The following UGT1A5 variants were observed in gnomAD, a reference collection of about 807,000 sequenced individuals.
The protein encoded by UGT1A5 is UDP-glucuronosyltransferase 1A5.
A neutral mutation model predicts 40.3 loss-of-function variants in UGT1A5; 29 were observed. That is an observed-to-expected ratio of 0.72 (90% CI 0.54 to 0.98). UGT1A5 has a LOEUF of 0.98. Ranked by LOEUF, UGT1A5 falls within the 50% of genes least tolerant of loss-of-function variation. The probability of loss-of-function intolerance (pLI) is 0.00; values close to 1 mark genes in which losing one functional copy is unlikely to be tolerated. For missense variants in UGT1A5, 678 were observed against 677.9 expected, an observed-to-expected ratio of 1.00 and a Z score of 0.00; for synonymous variants, 257 against 262.5, an observed-to-expected ratio of 0.98 and a Z score of 0.20.
At chr2:233,744,212 GTTGGGGAAAAGAGA>G (rs1383890849) in intron 1 of UGT1A5, among the ~76,000 whole-genome samples, 2 of 151,858 alleles carry the variant, frequency 1.3e-5, no homozygotes, top group Non-Finnish European at 2.9e-5. Flanking sequence ...GGAAAAAGAG[GTTGGGGAAAAGAGA>G]GGGCCTTGAC....
chr2:233,772,311 G>T lies in UGT1A5; in HGVS notation c.1357G>T (p.Val453Leu), dbSNP rs587784536. 12 of 1,614,228 alleles carry T rather than the reference G, an allele frequency of 7.4e-6. No homozygotes were observed. In the Admixed American group the frequency reaches 1.5e-4, roughly 20 times the overall value. Residue 453 changes from valine (V) to leucine (L), a missense_variant, in exon 5 of 5, where the codon GTG becomes TTG. Transcript: ENST00000373414. ...RLSSLHKDRP[V>L]EPLDLAVFWV... ...CTCCAGCCTTCACAAGGACCGCCCG[G>T]TGGAGCCGCTGGACCTGGCCGTGTT...
At chr2:233,760,942 C>G (rs1253140529) in intron 1 of UGT1A5, 13 of 1,614,092 alleles carry the variant, frequency 8.1e-6, no homozygotes, top group Non-Finnish European at 1.1e-5. Flanking sequence ...TGCCTTTTCA[C>G]AGAACTTTCT....
intron 1 of UGT1A5, chr2:233,753,788 C>T (rs970692260): frequency 7.9e-5 from 12 of 152,166 alleles, no homozygotes; most frequent in Non-Finnish European, 1.8e-4. Context: ...CTTTACATTT[C>T]CAGGACCTAC....
intron 1 of UGT1A5, among the ~76,000 whole-genome samples, chr2:233,715,022 G>A (rs1438116974): frequency 2.0e-5 from 3 of 152,060 alleles, no homozygotes; most frequent in Admixed American, 1.3e-4. Flanking sequence ...AACTACAGGC[G>A]CATGGCACCA....
At chr2:233,750,355 T>C (rs1376976328) in intron 1 of UGT1A5, among the ~76,000 whole-genome samples, 7 of 151,880 alleles carry the variant, frequency 4.6e-5, no homozygotes, top group African/African-American at 1.5e-4. Context: ...TTGGAACTTA[T>C]GTTTAAAAGG....
intron 1 of UGT1A5, among the ~76,000 whole-genome samples, chr2:233,745,434 A>C (rs1034656561): frequency 2.6e-5 from 4 of 151,684 alleles, no homozygotes; most frequent in Non-Finnish European, 4.4e-5. Context: ...TTGTGAGGCA[A>C]TACACTAGTA....
In UGT1A5 at chr2:233,712,961, G is replaced by A; in HGVS notation, c.-31G>A. The A allele has an allele frequency of 6.2e-7, 1 of 1,612,910 alleles. No individual in the cohort carries two copies. Among genetic ancestry groups the A allele is most frequent in the Non-Finnish European group, 8.5e-7 (1 of 1,180,042 alleles). On this transcript the variant is annotated 5_prime_UTR_variant, in exon 1 of 5. Coordinates refer to ENST00000373414, the MANE Select transcript of UGT1A5 (RefSeq NM_019078.2). ...AATTCTAGGAGGCACAACGTGGGGTGGACAGTCAGCTGTCGGTGGCTTCTG... is the reference window on the plus strand; with the variant it reads ...AATTCTAGGAGGCACAACGTGGGGTAGACAGTCAGCTGTCGGTGGCTTCTG...
At position 233,772,285 on chromosome 2, in the gene UGT1A5, T is replaced by C. The variant is rs758411577; in HGVS notation, c.1331T>C (p.Leu444Pro). The change falls in exon 5 of 5, where the codon CTC becomes CCC. Residue 444 changes from leucine to proline, a missense_variant. Leu to Pro is a moderately conservative substitution (Grantham distance 98). Coordinates refer to ENST00000373414, the MANE Select transcript of UGT1A5 (RefSeq NM_019078.2). ...DKSYKENIMRLSSLHKDRPVE... is the reference protein window; with the variant it reads ...DKSYKENIMRPSSLHKDRPVE... ...AGTTACAAGGAGAACATCATGCGCC[T>C]CTCCAGCCTTCACAAGGACCGCCCG... 3.1e-6 allele frequency: 5 copies of C among 1,614,220 alleles called. No individual in the cohort carries two copies. The highest frequency in any genetic ancestry group is 3.4e-6 in the Non-Finnish European group (4 of 1,180,040).
intron 1 of UGT1A5, chr2:233,760,660 T>C: frequency 6.2e-7 from 1 of 1,614,244 alleles, no homozygotes; most frequent in Non-Finnish European, 8.5e-7. Flanking sequence ...TATGCTTTTG[T>C]CTGGCTGTTC....
At chr2:233,718,824 G>A in intron 1 of UGT1A5, 1 of 1,613,508 alleles carries the variant, frequency 6.2e-7, no homozygotes, top group Non-Finnish European at 8.5e-7. Flanking sequence ...TGCTGAGATG[G>A]CCAGAGGACT....
chr2:233,751,391 A>G (rs1477667065), intron 1 of UGT1A5, among the ~76,000 whole-genome samples: 1 of 152,112 alleles, frequency 6.6e-6, no homozygotes, highest in African/African-American at 2.4e-5. Flanking sequence ...TGTCTCAGAT[A>G]AGACTTTGGA....
intron 1 of UGT1A5, chr2:233,760,820 G>A (rs1177412651): frequency 6.2e-7 from 1 of 1,613,432 alleles, no homozygotes; most frequent in Non-Finnish European, 8.5e-7. Context: ...CTGCCATGCA[G>A]CCTGGAATTT....
chr2:233,729,673 A>G (rs1282991761), intron 1 of UGT1A5: 1 of 1,613,898 alleles, frequency 6.2e-7, no homozygotes, highest in South Asian at 1.1e-5. Flanking sequence ...TTTAGACTTT[A>G]AGGGCACACA....
chr2:233,748,156 T>G, intron 1 of UGT1A5: 1 of 1,601,882 alleles, frequency 6.2e-7, no homozygotes, highest in Non-Finnish European at 8.5e-7. Flanking sequence ...TACAATTGCT[T>G]CCATATCTAC....
chr2:233,738,035 A>T (rs1181803416), intron 1 of UGT1A5, among the ~76,000 whole-genome samples: 1 of 151,816 alleles, frequency 6.6e-6, no homozygotes, highest in African/African-American at 2.4e-5. Flanking sequence ...CATAATCCCC[A>T]CGTGTTGAGG....
chr2:233,772,168 A>C, intron 4 of UGT1A5, 94 bp from the exon 5 acceptor site: 1 of 1,573,330 alleles, frequency 6.4e-7, no homozygotes, highest in Non-Finnish European at 8.6e-7. Flanking sequence ...AAGTTTGGAA[A>C]ATCTGGTAGT....
intron 1 of UGT1A5, among the ~76,000 whole-genome samples, chr2:233,715,035 T>C (rs2076429171): frequency 6.6e-6 from 1 of 152,024 alleles, no homozygotes; most frequent in East Asian, 1.9e-4. Flanking sequence ...TGGCACCACA[T>C]CCAGCTAATT....
intron 1 of UGT1A5, among the ~76,000 whole-genome samples, chr2:233,759,957 T>C (rs371912681): frequency 1.3e-5 from 2 of 152,236 alleles, no homozygotes; most frequent in Non-Finnish European, 2.9e-5. Context: ...CACTACATAG[T>C]CGTCCTTCTT....
chr2:233,748,148 C>A, intron 1 of UGT1A5: 1 of 1,604,918 alleles, frequency 6.2e-7, no homozygotes, highest in Non-Finnish European at 8.5e-7. Context: ...TATTTACTTA[C>A]AATTGCTTCC....
Sources: allele counts gnomAD v4.1 joint callset (sites outside exome capture counted in the v4.1 genomes callset), GRCh38; gene constraint gnomAD v4.1.1; transcripts MANE v1.5; gene names NCBI Gene and HGNC (gene_info 2026-07-23, HGNC 2026-07-21).